Variants in CYP39A1 observed in about 807,000 individuals in gnomAD.
The protein encoded by CYP39A1 is 24-hydroxycholesterol 7-alpha-hydroxylase.
In CYP39A1, 49 loss-of-function variants were observed where a neutral mutation model predicts 58.1. The ratio of observed to expected loss-of-function variants is 0.84; its 90% confidence interval spans 0.67 to 1.07. CYP39A1 has a LOEUF of 1.07. CYP39A1 is among the 50% of genes least tolerant of loss of function. The pLI is 0.00. For missense variants in CYP39A1, 531 were observed against 539.4 expected, an observed-to-expected ratio of 0.98 and a Z score of 0.16; for synonymous variants, 209 against 187.6, an observed-to-expected ratio of 1.11 and a Z score of -0.93.
At chr6:46,567,364 C>A (rs1368011127) in intron 10 of CYP39A1, among the ~76,000 whole-genome samples, 1 of 151,812 alleles carries the variant, frequency 6.6e-6, no homozygotes, top group African/African-American at 2.4e-5. Flanking sequence ...CTTTTTTATC[C>A]ATTTATCAAT....
At chr6:46,608,763 T>C (rs1041930634) in intron 7 of CYP39A1, among the ~76,000 whole-genome samples, 1 of 151,962 alleles carries the variant, frequency 6.6e-6, no homozygotes, top group Non-Finnish European at 1.5e-5. Flanking sequence ...TACAGGCACT[T>C]GCCACAAACC....
intron 10 of CYP39A1, among the ~76,000 whole-genome samples, chr6:46,567,086 C>T (rs985604334): frequency 3.9e-5 from 6 of 152,022 alleles, no homozygotes; most frequent in Non-Finnish European, 8.8e-5. Flanking sequence ...TACATTAGGT[C>T]TCCAGAACTT....
chr6:46,615,998 C>G (rs1442245767), intron 7 of CYP39A1, among the ~76,000 whole-genome samples: 5 of 8,478 alleles, frequency 5.9e-4, no homozygotes, highest in Non-Finnish European at 7.3e-4. Flanking sequence ...TCTAGCCTTT[C>G]CCTCCCTCCC....
At chr6:46,650,644 C>A (rs1220239523) in intron 1 of CYP39A1, among the ~76,000 whole-genome samples, 1 of 151,278 alleles carries the variant, frequency 6.6e-6, no homozygotes, top group African/African-American at 2.4e-5. Flanking sequence ...GCTGGGACTA[C>A]AGGCATGTGC....
intron 7 of CYP39A1, among the ~76,000 whole-genome samples, chr6:46,623,102 A>G (rs1048618626): frequency 1.3e-5 from 2 of 152,196 alleles, no homozygotes; most frequent in African/African-American, 4.8e-5. Flanking sequence ...GGGAGACAAG[A>G]GCATAGAACA....
chr6:46,633,516 A>C (rs1224610650), intron 5 of CYP39A1, among the ~76,000 whole-genome samples: 1 of 152,138 alleles, frequency 6.6e-6, no homozygotes, highest in African/African-American at 2.4e-5. Context: ...AGACAACAAA[A>C]TCTTTTAAAT....
chr6:46,630,015 G>A (rs1464401830), intron 6 of CYP39A1, among the ~76,000 whole-genome samples: 1 of 152,024 alleles, frequency 6.6e-6, no homozygotes, highest in African/African-American at 2.4e-5. Flanking sequence ...GGAATCGCTT[G>A]AACCCGGGAA....
intron 7 of CYP39A1, among the ~76,000 whole-genome samples, chr6:46,600,611 C>G (rs748129843): frequency 6.6e-6 from 1 of 152,054 alleles, no homozygotes; most frequent in African/African-American, 2.4e-5. Flanking sequence ...ATCAATCATG[C>G]CTTTGTACTG....
rs1028204814 is a variant in CYP39A1 at position 46,636,250 on chromosome 6, T to C, written c.732+139A>G. ...TTGTGATGATGTAACAGTGAAATAATGTATCTCAACATGTCCAGTACAGTG... is the reference window on the plus strand; with the variant it reads ...TTGTGATGATGTAACAGTGAAATAACGTATCTCAACATGTCCAGTACAGTG... On this transcript the variant is annotated intron_variant, in intron 5 of 11. Transcript: ENST00000275016. 8.6e-6 allele frequency: 5 copies of C among 581,348 alleles called. No homozygotes were observed. The African/African-American group carries it at 9.6e-5, about 11-fold the overall frequency. The allele number at this position is 581,348 out of a possible 1,614,324, so 36.0% of individuals were successfully genotyped here. A position where few individuals can be genotyped will look rare whatever the true frequency, so the allele number is the denominator to read the frequency against.
At chr6:46,620,500 A>T (rs1046863388) in intron 7 of CYP39A1, among the ~76,000 whole-genome samples, 2 of 152,204 alleles carry the variant, frequency 1.3e-5, no homozygotes, top group African/African-American at 4.8e-5. Context: ...AGGCAAACCA[A>T]CAAGATGAAA....
chr6:46,627,450 G>T (rs1375425925), intron 6 of CYP39A1, among the ~76,000 whole-genome samples: 1 of 149,400 alleles, frequency 6.7e-6, no homozygotes, highest in African/African-American at 2.5e-5. Flanking sequence ...ACAGAGTCTC[G>T]CTCTGTTGCC....
In CYP39A1 at chr6:46,652,569, G is replaced by A. The variant is rs766008324; in HGVS notation, c.14C>T (p.Ser5Phe). 4 of 1,604,284 alleles carry A rather than the reference G, an allele frequency of 2.5e-6. No homozygotes were observed. In the East Asian group the frequency reaches 6.8e-5, roughly 27 times the overall value. MELISPTVIIILGCL... is the reference protein window; with the variant it reads MELIFPTVIIILGCL... The stretch of plus-strand genomic sequence containing the variant: ...ACCCAGGATTATAATCACTGTTGGG[G>A]AAATTAGTTCCATGTTTTTGTCCAG... The change falls in exon 1 of 12, where the codon TCC (serine) becomes TTC (phenylalanine). Residue 5 changes from serine (S) to phenylalanine (F), a missense_variant. Physicochemically the swap from Ser to Phe is radical, Grantham distance 155. Transcript: ENST00000275016.
At chr6:46,590,154 A>G (rs1008592019) in intron 8 of CYP39A1, among the ~76,000 whole-genome samples, 2 of 152,178 alleles carry the variant, frequency 1.3e-5, no homozygotes, top group African/African-American at 4.8e-5. Context: ...ATGACAGATG[A>G]AGTGAAAGAT....
In CYP39A1 at chr6:46,642,256, T is replaced by C. The variant is rs559732715; in HGVS notation, c.220A>G (p.Thr74Ala). Reference protein sequence around the residue: ...FTVFAMGNRMTFVTEEEGINV... With the variant: ...FTVFAMGNRMAFVTEEEGINV... Reference sequence around the variant, plus strand: ...ATTCCTTCTTCTTCAGTAACAAAGGTCATTCGGTTTCCCATAGCAAAGACT... The same window carrying C: ...ATTCCTTCTTCTTCAGTAACAAAGGCCATTCGGTTTCCCATAGCAAAGACT... Residue 74 changes from threonine to alanine, a missense_variant, in exon 2 of 12, where the codon ACC becomes GCC. Thr to Ala is a moderately conservative substitution (Grantham distance 58, BLOSUM62 0). Transcript: ENST00000275016. 6.2e-7 allele frequency: 1 copy of C among 1,612,956 alleles called. No homozygotes were observed. Among genetic ancestry groups the C allele is most frequent in the African/African-American group, 1.3e-5 (1 of 75,002 alleles).
At chr6:46,630,405 G>A (rs756984302) in intron 6 of CYP39A1, among the ~76,000 whole-genome samples, 2 of 152,134 alleles carry the variant, frequency 1.3e-5, no homozygotes, top group Non-Finnish European at 1.5e-5. Context: ...TAAGACCACA[G>A]TGGGAGGTTC....
At chr6:46,625,925 A>T (rs909631358) in intron 6 of CYP39A1, among the ~76,000 whole-genome samples, 2 of 152,136 alleles carry the variant, frequency 1.3e-5, no homozygotes, top group Non-Finnish European at 2.9e-5. Flanking sequence ...TTAGAATACA[A>T]GTGAATTAGC....
At chr6:46,561,828 T>G (rs982312340) in intron 10 of CYP39A1, among the ~76,000 whole-genome samples, 4 of 152,086 alleles carry the variant, frequency 2.6e-5, no homozygotes, top group Admixed American at 2.0e-4. Context: ...ATATTAAACA[T>G]TTTAGAAATA....
intron 3 of CYP39A1, among the ~76,000 whole-genome samples, 157 bp downstream of exon 3, chr6:46,639,337 A>T (rs999853790): frequency 6.2e-5 from 6 of 96,658 alleles, no homozygotes; most frequent in African/African-American, 1.8e-4. Context: ...CTCTATCTCA[A>T]AAAAAAATAA....
chr6:46,614,653 T>C (rs903361104), intron 7 of CYP39A1, among the ~76,000 whole-genome samples: 1 of 152,222 alleles, frequency 6.6e-6, no homozygotes, highest in Non-Finnish European at 1.5e-5. Context: ...TTTCTCCATA[T>C]TGGACATTCT....
Sources: allele counts gnomAD v4.1 joint callset (sites outside exome capture counted in the v4.1 genomes callset), GRCh38; gene constraint gnomAD v4.1.1; transcripts MANE v1.5; gene names NCBI Gene and HGNC (gene_info 2026-07-23, HGNC 2026-07-21).